The following CCDC171 variants were observed in gnomAD, a reference collection of about 807,000 sequenced individuals.
The protein encoded by CCDC171 is coiled-coil domain-containing protein 171.
In CCDC171, 177 loss-of-function variants were observed where a neutral mutation model predicts 168.2. The observed-to-expected ratio is 1.05, with a 90% CI of 0.93 to 1.19. The LOEUF is 1.19. Ranked by LOEUF, CCDC171 falls within the 50% of genes most tolerant of loss-of-function variation. The probability of loss-of-function intolerance (pLI) is 0.00; values close to 1 mark genes in which losing one functional copy is unlikely to be tolerated. For missense variants in CCDC171, 1,991 were observed against 1,539.0 expected (o/e 1.29, Z -4.91); for synonymous variants, 687 against 540.8 (o/e 1.27, Z -3.75).
intron 11 of CCDC171, among the ~76,000 whole-genome samples, chr9:15,704,000 A>C (rs527780834): frequency 6.6e-6 from 1 of 152,320 alleles, no homozygotes; most frequent in East Asian, 1.9e-4. Context: ...CCAAAATATG[A>C]CATGGAGACA....
chr9:15,626,599 T>C (rs1294535932), intron 7 of CCDC171, among the ~76,000 whole-genome samples: 14 of 152,358 alleles, frequency 9.2e-5, no homozygotes, highest in Non-Finnish European at 5.9e-5. Context: ...TGGGTCTGTT[T>C]ATATGATGGA....
intron 6 of CCDC171, among the ~76,000 whole-genome samples, chr9:15,615,741 C>G (rs1418502989): frequency 1.3e-5 from 2 of 149,824 alleles, no homozygotes; most frequent in African/African-American, 4.9e-5. Context: ...TGTTGTGTTT[C>G]TACATGATTT....
intron 25 of CCDC171, among the ~76,000 whole-genome samples, chr9:15,921,104 A>G (rs892259807): frequency 2.3e-4 from 35 of 151,802 alleles, no homozygotes; most frequent in African/African-American, 8.0e-4. Context: ...GAAGGTTACC[A>G]ATAATTGGAA....
intron 24 of CCDC171, chr9:15,888,960 T>TC (rs1819825076): frequency 1.8e-5 from 2 of 110,544 alleles, no homozygotes; most frequent in Admixed American, 1.8e-4. Flanking sequence ...TTTTTTTTTT[T>TC]TTTTTTTTTT....
intron 3 of CCDC171, among the ~76,000 whole-genome samples, chr9:15,573,998 G>A (rs1272752319): frequency 6.6e-6 from 1 of 152,112 alleles, no homozygotes; most frequent in East Asian, 1.9e-4. Flanking sequence ...TGATCAAAAT[G>A]TTTTGAAGTA....
At chr9:15,743,833 T>C (rs1439752177) in intron 16 of CCDC171, among the ~76,000 whole-genome samples, 1 of 152,244 alleles carries the variant, frequency 6.6e-6, no homozygotes, top group African/African-American at 2.4e-5. Flanking sequence ...GTTGCTTATT[T>C]TGGTAAAAAG....
At position 15,691,541 on chromosome 9, in the gene CCDC171, GTTTT is replaced by G. The variant is rs374022139; in HGVS notation, c.1216-3691_1216-3688del. Among the ~76,000 whole-genome samples the G allele has an allele frequency of 3.2e-3, 363 of 114,800 alleles. 12 individuals carry two copies. Among genetic ancestry groups the G allele is most frequent in the African/African-American group, 8.9e-3 (260 of 29,302 alleles). The allele number at this position is 114,800 out of a possible 152,430, so 75.3% of individuals were successfully genotyped here. A position where few individuals can be genotyped will look rare whatever the true frequency, so the allele number is the denominator to read the frequency against. Reference sequence around the variant, plus strand: ...TGATTAAAAATACCTGTAAATATATGTTTTTTATATATATATATATATATATATA... The same window carrying G: ...TGATTAAAAATACCTGTAAATATATGTTATATATATATATATATATATATA... On this transcript the variant is annotated intron_variant, in intron 10 of 25. Coordinates refer to ENST00000380701, the MANE Select transcript of CCDC171 (RefSeq NM_173550.4).
chr9:15,994,254 C>T (rs1348996795), intron 3 of CCDC171, among the ~76,000 whole-genome samples: 1 of 152,044 alleles, frequency 6.6e-6, no homozygotes, highest in Non-Finnish European at 1.5e-5. Flanking sequence ...TCCTATGCAG[C>T]CATAAAAAAG....
chr9:15,888,659 T>G (rs1215485704), intron 24 of CCDC171, among the ~76,000 whole-genome samples: 1 of 152,142 alleles, frequency 6.6e-6, no homozygotes, highest in Non-Finnish European at 1.5e-5. Flanking sequence ...TTGTGTATGC[T>G]CTAGTAAAAT....
chr9:16,065,201 A>G (rs909774764), downstream of CCDC171, among the ~76,000 whole-genome samples: 1 of 152,144 alleles, frequency 6.6e-6, no homozygotes, highest in Non-Finnish European at 1.5e-5. Flanking sequence ...GTCTGACCCT[A>G]TTGTGTTATT....
At chr9:15,969,251 A>G (rs1170682225) in intron 25 of CCDC171, among the ~76,000 whole-genome samples, 1 of 152,210 alleles carries the variant, frequency 6.6e-6, no homozygotes, top group African/African-American at 2.4e-5. Flanking sequence ...AGGATGAGAA[A>G]AGGCAAAAGA....
At chr9:16,100,996 G>A in the CCDC171 span, among the ~76,000 whole-genome samples, 1,482 of 152,314 alleles carry the variant, frequency 9.7e-3, 12 homozygotes, top group Middle Eastern at 0.024. Context: ...GCCTGGGAAC[G>A]GCAGTTGCTC....
rs778674393 is a variant in CCDC171 at position 15,784,522 on chromosome 9, A to G, written c.3095A>G (p.His1032Arg). 3 of 1,612,108 alleles carry G rather than the reference A, an allele frequency of 1.9e-6. No individual in the cohort carries two copies. The highest frequency in any genetic ancestry group is 1.7e-6 in the Non-Finnish European group (2 of 1,178,700). ...TCCTTTTTACAGAAATTGATCACCC[A>G]TGAGAAGTTTGAAAGTGCATGTGAA... ...NEFKQSKLIT[H>R]EKFESACEEL... The change falls in exon 21 of 26, where the codon CAT (histidine) becomes CGT (arginine). Residue 1032 changes from histidine to arginine, a missense_variant. Coordinates refer to ENST00000380701, the MANE Select transcript of CCDC171 (RefSeq NM_173550.4).
rs146177382 is a variant in CCDC171, at chr9:15,916,817, C to G, written c.3601-3453C>G. 2.6e-5 allele frequency among the ~76,000 whole-genome samples: 4 copies of G among 152,048 alleles called. No individual in the cohort carries two copies. In the East Asian group the frequency reaches 5.8e-4, roughly 22 times the overall value. On this transcript the variant is annotated intron_variant, in intron 24 of 25. Coordinates refer to ENST00000380701, the MANE Select transcript of CCDC171 (RefSeq NM_173550.4). ...CAATTATAAACACTATAGATTATCC[C>G]TTAAACAAAGGCTATTCTTGTTCAG... is the stretch of plus-strand genomic sequence containing the variant.
intron 8 of CCDC171, among the ~76,000 whole-genome samples, chr9:15,663,608 C>CTTTTTTTTTTTTTT (rs56022914): frequency 8.1e-6 from 1 of 123,228 alleles, no homozygotes. Flanking sequence ...CTTTTTTTTT[C>CTTTTTTTTTTTTTT]TTTTTTTTTT....
intron 7 of CCDC171, among the ~76,000 whole-genome samples, chr9:15,633,798 G>A (rs1460428375): frequency 6.6e-6 from 1 of 152,190 alleles, no homozygotes; most frequent in Non-Finnish European, 1.5e-5. Flanking sequence ...TGATAGACTG[G>A]ATTAAGAAAA....
chr9:15,948,940 G>A (rs1828766780), intron 25 of CCDC171, among the ~76,000 whole-genome samples: 1 of 152,110 alleles, frequency 6.6e-6, no homozygotes, highest in African/African-American at 2.4e-5. Flanking sequence ...TTCTTCTCTG[G>A]TTTTTATGGT....
At chr9:16,108,886 A>G in the CCDC171 span, among the ~76,000 whole-genome samples, 1 of 152,214 alleles carries the variant, frequency 6.6e-6, no homozygotes, top group Non-Finnish European at 1.5e-5. Context: ...GAGCCAAATA[A>G]ATATCTTTTC....
intron 21 of CCDC171, among the ~76,000 whole-genome samples, chr9:15,807,322 G>T (rs1388646327): frequency 6.6e-6 from 1 of 152,180 alleles, no homozygotes; most frequent in African/African-American, 2.4e-5. Context: ...TTCTTGCATT[G>T]GCTCTTGCCA....
Sources: allele counts gnomAD v4.1 joint callset (sites outside exome capture counted in the v4.1 genomes callset), GRCh38; gene constraint gnomAD v4.1.1; transcripts MANE v1.5; gene names NCBI Gene and HGNC (gene_info 2026-07-23, HGNC 2026-07-21).